The following TEK variants were observed in gnomAD, a reference collection of about 807,000 sequenced individuals.
TEK encodes angiopoietin-1 receptor.
In TEK, 43 loss-of-function variants were observed where a neutral mutation model predicts 131.8. That is an observed-to-expected ratio of 0.33 (90% confidence interval 0.26 to 0.42). The LOEUF (loss-of-function observed/expected upper bound fraction) is 0.42, where lower values mean the gene tolerates loss of function less well. Ranked by LOEUF, TEK falls within the 10% of genes least tolerant of loss-of-function variation. TEK has a pLI of 1.00. For missense variants in TEK, 1,162 were observed against 1,384.4 expected (o/e 0.84, Z 2.55); for synonymous variants, 580 against 491.6 (o/e 1.18, Z -2.38).
At chr9:27,129,863 TA>T (rs1182136747) in intron 1 of TEK, among the ~76,000 whole-genome samples, 5 of 152,218 alleles carry the variant, frequency 3.3e-5, no homozygotes, top group African/African-American at 9.7e-5. Flanking sequence ...AGATTTCCAC[TA>T]AACTGATGGC....
Position 27,190,557 on chromosome 9 carries a change from C to G in TEK, c.1356C>G (p.Asn452Lys). Residue 452 changes from asparagine to lysine, a missense_variant, in exon 10 of 23, where the codon AAC (asparagine) becomes AAG (lysine). Transcript: ENST00000380036. ...KVLPKPLNAPNVIDTGHNFAV... is the reference protein window; with the variant it reads ...KVLPKPLNAPKVIDTGHNFAV... ...TTCCAAAGCCCCTGAATGCCCCAAA[C>G]GTGATTGACACTGGACATAACTTTG... 1 of 1,613,988 alleles carries G rather than the reference C, an allele frequency of 6.2e-7. No homozygotes were observed. Among genetic ancestry groups the G allele is most frequent in the South Asian group, 1.1e-5 (1 of 91,066 alleles).
At chr9:27,148,197 A>G (rs750213893) in intron 1 of TEK, among the ~76,000 whole-genome samples, 1 of 152,230 alleles carries the variant, frequency 6.6e-6, no homozygotes, top group Non-Finnish European at 1.5e-5. Context: ...GCCCATCAAC[A>G]ATATAGATGT....
intron 11 of TEK, among the ~76,000 whole-genome samples, chr9:27,196,700 G>A (rs1020563028): frequency 6.6e-6 from 1 of 151,900 alleles, no homozygotes; most frequent in African/African-American, 2.4e-5. Context: ...AGGCAAAGTG[G>A]GAGCAGGCAC....
At chr9:27,188,645 A>G (rs1824688380) in intron 9 of TEK, among the ~76,000 whole-genome samples, 1 of 152,182 alleles carries the variant, frequency 6.6e-6, no homozygotes, top group African/African-American at 2.4e-5. Context: ...GTTAGGGGAT[A>G]CTGCTTCTTA....
Position 27,109,509 on chromosome 9 carries a change from G to C in TEK, c.-82G>C. ...CGTAGTAGGACGATGCTAATGGAAAGTCACAAACCGCTGGGTTTTTGAAAG... is the reference window on the plus strand; with the variant it reads ...CGTAGTAGGACGATGCTAATGGAAACTCACAAACCGCTGGGTTTTTGAAAG... On this transcript the variant is annotated 5_prime_UTR_variant, in exon 1 of 23. Transcript: ENST00000380036. 3.4e-6 allele frequency: 5 copies of C among 1,464,410 alleles called. No individual in the cohort carries two copies. The highest frequency in any genetic ancestry group is 3.8e-6 in the Non-Finnish European group (4 of 1,043,562). 90.7% of individuals were successfully genotyped at this position (1,464,410 alleles called of 1,614,324 possible). A position where few individuals can be genotyped will look rare whatever the true frequency, so the allele number is the denominator to read the frequency against.
At chr9:27,192,033 T>C in intron 10 of TEK, 4 of 443,100 alleles carry the variant, frequency 9.0e-6, no homozygotes, top group South Asian at 4.9e-5. Context: ...GAATGCTTCA[T>C]TGTAATAGTA....
chr9:27,207,801 T>C (rs1239040257), intron 15 of TEK, among the ~76,000 whole-genome samples: 1 of 152,214 alleles, frequency 6.6e-6, no homozygotes, highest in Non-Finnish European at 1.5e-5. Context: ...CTAAATCTTA[T>C]TAAATCATCT....
Position 27,183,562 on chromosome 9 carries a change from T to A in TEK, c.1134T>A (p.Pro378=). The A allele has an allele frequency of 6.2e-7, 1 of 1,613,918 alleles. No individual in the cohort carries two copies. The highest frequency in any genetic ancestry group is 8.5e-7 in the Non-Finnish European group (1 of 1,179,830). ...GCAAAGCTTCTGGCTGGCCGCTACC[T>A]ACTAATGAAGAAATGACCCTGGTGA... The part of the protein sequence containing the change: ...PICKASGWPL[P]TNEEMTLVKP... Residue 378 remains proline (P), a synonymous_variant, in exon 8 of 23, where the codon CCT becomes CCA. Coordinates refer to ENST00000380036, the MANE Select transcript of TEK (RefSeq NM_000459.5).
At chr9:27,206,477 C>T (rs1825403265) in intron 14 of TEK, 105 bp from the exon 15 acceptor site, 1 of 1,221,440 alleles carries the variant, frequency 8.2e-7, no homozygotes, top group South Asian at 1.3e-5. Flanking sequence ...GAATTAAATA[C>T]AGTATTTCTT....
intron 21 of TEK, among the ~76,000 whole-genome samples, chr9:27,221,996 A>C (rs980097005): frequency 2.0e-5 from 3 of 152,252 alleles, no homozygotes; most frequent in Admixed American, 2.0e-4. Context: ...ACGTTGAAAA[A>C]AGGTTAGATG....
rs114656952 is a variant in TEK, at chr9:27,152,727, A to C, written c.53-5104A>C. Among the ~76,000 whole-genome samples, 1,105 of 152,268 alleles carry C rather than the reference A, an allele frequency of 7.3e-3. 10 individuals are homozygous for C. Among genetic ancestry groups the C allele is most frequent in the African/African-American group, 0.025 (1,056 of 41,534 alleles). ...AACTTCTGGAGCACCTTTTTAGAAC[A>C]TGAGAAATTACAGTTTCTTTAAACA... On this transcript the variant is annotated intron_variant, in intron 1 of 22. Coordinates refer to ENST00000380036, the MANE Select transcript of TEK (RefSeq NM_000459.5).
At chr9:27,145,285 G>C (rs1822872244) in intron 1 of TEK, among the ~76,000 whole-genome samples, 1 of 152,226 alleles carries the variant, frequency 6.6e-6, no homozygotes, top group Admixed American at 6.5e-5. Context: ...AAGGACTCTT[G>C]AAGGAAACAC....
In TEK at chr9:27,154,155, CTCTTT is replaced by C. The variant is rs1823237145; in HGVS notation, c.53-3674_53-3670del. On this transcript the variant is annotated intron_variant, in intron 1 of 22. Transcript: ENST00000380036. ...TTTTTTTCTCTCTCTCTTTCTGTCT[CTCTTT>C]TATTTATTTATTTATTTTTATTACA... 4.6e-5 allele frequency among the ~76,000 whole-genome samples: 7 copies of C among 152,154 alleles called. No homozygotes were observed. The South Asian group carries it at 1.5e-3, about 32-fold the overall frequency.
chr9:27,180,432 G>A (rs368019588), intron 7 of TEK, 64 bp downstream of exon 7: 8 of 1,572,564 alleles, frequency 5.1e-6, no homozygotes, highest in African/African-American at 2.7e-5. Context: ...CTTTGGTAGT[G>A]TAATTCTTGT....
At chr9:27,219,437 T>C (rs992931630) in intron 20 of TEK, among the ~76,000 whole-genome samples, 1 of 151,862 alleles carries the variant, frequency 6.6e-6, no homozygotes, top group South Asian at 2.1e-4. Context: ...GGTTGAACAA[T>C]GGGAACACAT....
intron 12 of TEK, among the ~76,000 whole-genome samples, chr9:27,201,077 T>A (rs1286298269): frequency 6.6e-6 from 1 of 152,230 alleles, no homozygotes; most frequent in African/African-American, 2.4e-5. Context: ...ATCCCGTTTC[T>A]AAATTGTTTA....
chr9:27,173,802 T>C (rs1178765879), intron 6 of TEK, among the ~76,000 whole-genome samples: 1 of 140,814 alleles, frequency 7.1e-6, no homozygotes, highest in East Asian at 2.2e-4. Context: ...TGGTAGCACA[T>C]GCCTGTTGTC....
chr9:27,196,508 T>C (rs1428998614), intron 11 of TEK, among the ~76,000 whole-genome samples: 5 of 152,208 alleles, frequency 3.3e-5, no homozygotes, highest in Admixed American at 1.3e-4. Context: ...TCCACCCTTG[T>C]ATTAGTCTGT....
chr9:27,176,857 G>A (rs1305435403), intron 6 of TEK, among the ~76,000 whole-genome samples: 1 of 152,144 alleles, frequency 6.6e-6, no homozygotes, highest in African/African-American at 2.4e-5. Context: ...CCTCCACCCT[G>A]TAGTCCCTGG....
Sources: allele counts gnomAD v4.1 joint callset (sites outside exome capture counted in the v4.1 genomes callset), GRCh38; gene constraint gnomAD v4.1.1; transcripts MANE v1.5; gene names NCBI Gene and HGNC (gene_info 2026-07-23, HGNC 2026-07-21).